THADA: variants seen among roughly 807,000 people sequenced by gnomAD.
THADA encodes tRNA (32-2'-O)-methyltransferase regulator THADA.
In THADA, 213 loss-of-function variants were observed where a neutral mutation model predicts 219.8. That is an observed-to-expected ratio of 0.97 (90% CI 0.87 to 1.09). The LOEUF is 1.09. Ranked by LOEUF, THADA falls within the 50% of genes least tolerant of loss-of-function variation. The pLI is 0.00. For missense variants in THADA, 2,956 were observed against 2,311.3 expected, an observed-to-expected ratio of 1.28 and a Z score of -5.72; for synonymous variants, 1,018 against 828.9, an observed-to-expected ratio of 1.23 and a Z score of -3.92.
intron 26 of THADA, among the ~76,000 whole-genome samples, chr2:43,474,302 T>G (rs1302469061): frequency 6.6e-6 from 1 of 152,202 alleles, no homozygotes; most frequent in Non-Finnish European, 1.5e-5. Context: ...AAGAGCTCTG[T>G]TCCAGGTACA....
intron 22 of THADA, among the ~76,000 whole-genome samples, chr2:43,510,735 C>G (rs529650464): frequency 6.6e-6 from 1 of 150,522 alleles, no homozygotes; most frequent in South Asian, 2.1e-4. Context: ...TTTTGGGAGG[C>G]TGAGGCGGGA....
intron 17 of THADA, among the ~76,000 whole-genome samples, chr2:43,555,567 T>C: frequency 6.6e-6 from 1 of 152,130 alleles, no homozygotes; most frequent in East Asian, 1.9e-4. Flanking sequence ...GGGTCTCCTT[T>C]GAAATCCAGC....
intron 23 of THADA, 68 bp from the exon 24 acceptor site, chr2:43,505,803 G>T: frequency 8.8e-7 from 1 of 1,130,416 alleles, no homozygotes; most frequent in South Asian, 1.4e-5. Context: ...TGCTTCCCTG[G>T]ATCAATCCCA....
intron 29 of THADA, among the ~76,000 whole-genome samples, chr2:43,352,092 G>A (rs1458347174): frequency 2.0e-5 from 3 of 152,162 alleles, no homozygotes; most frequent in East Asian, 1.9e-4. Flanking sequence ...ATACATTTCT[G>A]AAAATCTAGT....
chr2:43,262,172 A>G (rs1174739131), intron 36 of THADA, among the ~76,000 whole-genome samples: 1 of 152,236 alleles, frequency 6.6e-6, no homozygotes, highest in African/African-American at 2.4e-5. Context: ...AGCCCAAAAC[A>G]TTATGTTTCT....
intron 26 of THADA, among the ~76,000 whole-genome samples, chr2:43,436,362 C>A (rs967333848): frequency 6.6e-6 from 1 of 152,150 alleles, no homozygotes; most frequent in African/African-American, 2.4e-5. Context: ...CCCCAAGAGC[C>A]TTCCTCACCA....
At chr2:43,276,825 T>C (rs1208529078) in intron 36 of THADA, among the ~76,000 whole-genome samples, 2 of 152,164 alleles carry the variant, frequency 1.3e-5, no homozygotes, top group Non-Finnish European at 2.9e-5. Context: ...CTTCCTGGAA[T>C]GCCACAGTCT....
rs1248313595 is a variant in THADA at position 43,586,848 on chromosome 2, C to T, written c.451+6G>A. ...CAGAAAAAGGACTAGAAAAGTGCAG[C>T]CTTACCCAAGTTAAAGTTCTCCATA... On this transcript the variant is annotated splice_donor_region_variant and intron_variant, in intron 5 of 37. Transcript: ENST00000405975. 2.5e-6 allele frequency: 4 copies of T among 1,613,386 alleles called. No homozygotes were observed. Among genetic ancestry groups the T allele is most frequent in the Admixed American group, 1.7e-5 (1 of 59,926 alleles).
intron 29 of THADA, chr2:43,372,162 C>A (rs577187591): frequency 6.6e-6 from 1 of 152,178 alleles, no homozygotes; most frequent in Non-Finnish European, 1.5e-5. Flanking sequence ...TGTCTAAGAA[C>A]GTGCATACAA....
chr2:43,231,272 G>GT lies in THADA; in HGVS notation c.5537dup (p.Tyr1846Ter). 6.2e-7 allele frequency: 1 copy of GT among 1,606,432 alleles called. No individual in the cohort carries two copies. The highest frequency in any genetic ancestry group is 8.5e-7 in the Non-Finnish European group (1 of 1,177,462). Residue 1846 changes from tyrosine (Y) to a stop codon, truncating the protein, a stop_gained and frameshift_variant, in exon 38 of 38, where the codon TAC (tyrosine) becomes TAAC (stop). Coordinates refer to ENST00000405975, the MANE Select transcript of THADA (RefSeq NM_022065.5). LOFTEE classifies it low-confidence loss of function (END_TRUNC). ...GGAGACAGAAGAGGTGCTTGCAGAG[G>GT]TATTTCACAAAGATCAGGGTCTCGG... The part of the protein sequence containing the change: ...FWAETLIFVK[Y>*]LCKHLFCLLS...
intron 28 of THADA, among the ~76,000 whole-genome samples, chr2:43,404,375 CTTTTTTT>C (rs905817751): frequency 1.5e-4 from 20 of 130,894 alleles, no homozygotes; most frequent in Admixed American, 2.3e-4. Context: ...TTTTTCTTTT[CTTTTTTT>C]TTTTTTTTTT....
intron 26 of THADA, among the ~76,000 whole-genome samples, chr2:43,464,334 C>T (rs1418044089): frequency 1.3e-5 from 2 of 151,668 alleles, no homozygotes; most frequent in Non-Finnish European, 2.9e-5. Context: ...AAAAAAGTAA[C>T]AAAAAAGAAG....
At chr2:43,520,989 A>AAAGGGAGGAAAGGGAGGG (rs796305424) in intron 22 of THADA, among the ~76,000 whole-genome samples, 1 of 50,220 alleles carries the variant, frequency 2.0e-5, no homozygotes, top group Non-Finnish European at 4.3e-5. Context: ...GGAAGGGAGG[A>AAAGGGAGGAAAGGGAGGG]AAGGGAGGAA....
chr2:43,429,547 G>C (rs994581072), intron 27 of THADA, among the ~76,000 whole-genome samples: 3 of 152,014 alleles, frequency 2.0e-5, no homozygotes, highest in Non-Finnish European at 4.4e-5. Flanking sequence ...ATATTAGTCA[G>C]CTAATCGCTA....
At chr2:43,513,520 G>A (rs1690765464) in intron 22 of THADA, among the ~76,000 whole-genome samples, 1 of 152,182 alleles carries the variant, frequency 6.6e-6, no homozygotes, top group Admixed American at 6.5e-5. Context: ...TGCCAGAGCT[G>A]CCTGAGGCTG....
intron 28 of THADA, among the ~76,000 whole-genome samples, chr2:43,412,531 T>C (rs534736227): frequency 6.6e-6 from 1 of 152,304 alleles, no homozygotes; most frequent in South Asian, 2.1e-4. Context: ...CTGGTGGAAT[T>C]TGGCATCACT....
chr2:43,335,969 C>T (rs1028731119), intron 30 of THADA, among the ~76,000 whole-genome samples: 2 of 151,690 alleles, frequency 1.3e-5, no homozygotes, highest in African/African-American at 4.8e-5. Flanking sequence ...TGGTGGCGGG[C>T]GCCTGCAGTC....
chr2:43,322,043 C>T (rs1008820226), intron 30 of THADA, among the ~76,000 whole-genome samples: 1 of 149,716 alleles, frequency 6.7e-6, no homozygotes, highest in Non-Finnish European at 1.5e-5. Flanking sequence ...GTATCAGATA[C>T]TTTTTTTTTT....
chr2:43,581,933 A>G lies in THADA; in HGVS notation c.534-5T>C. 3 of 1,521,818 alleles carry G rather than the reference A, an allele frequency of 2.0e-6. No homozygotes were observed. The highest frequency in any genetic ancestry group is 1.3e-5 in the South Asian group (1 of 76,062). 94.3% of individuals were successfully genotyped at this position (1,521,818 alleles called of 1,614,324 possible). ...ATATGATTTCCAGCACATTTTCTATAAAGAAGAAAAGACATTATTACAAAA... is the reference window on the plus strand; with the variant it reads ...ATATGATTTCCAGCACATTTTCTATGAAGAAGAAAAGACATTATTACAAAA... On this transcript the variant is annotated splice_region_variant and splice_polypyrimidine_tract_variant and intron_variant, in intron 7 of 37. Transcript: ENST00000405975.
Sources: gnomAD v4.1 joint callset for allele counts (sites outside exome capture counted in the v4.1 genomes callset) on GRCh38, gnomAD v4.1.1 for gene constraint, MANE v1.5 for transcripts, NCBI Gene and HGNC (gene_info 2026-07-23, HGNC 2026-07-21) for gene names.